CHRM3: variants seen among roughly 807,000 people sequenced by gnomAD.
CHRM3 encodes the protein cholinergic receptor muscarinic 3.
In CHRM3, 11 loss-of-function variants were observed where a neutral mutation model predicts 41.8. That is an observed-to-expected ratio of 0.26 (90% CI 0.17 to 0.44). The LOEUF is 0.44. Among genes scored for constraint, CHRM3 ranks in the 20% least tolerant of loss-of-function variants. CHRM3 has a pLI of 1.00. For synonymous variants in CHRM3, 297 were observed against 301.4 expected (o/e 0.99, Z 0.15); for missense variants, 571 against 745.4 (o/e 0.77, Z 2.72).
At chr1:239,761,179 A>G (rs1466500044) in intron 5 of CHRM3, among the ~76,000 whole-genome samples, 1 of 152,080 alleles carries the variant, frequency 6.6e-6, no homozygotes, top group African/African-American at 2.4e-5. Context: ...TTAATCCAAG[A>G]TAGTGTGTAT....
At chr1:239,819,412 T>C (rs1164173211) in intron 5 of CHRM3, among the ~76,000 whole-genome samples, 2 of 152,210 alleles carry the variant, frequency 1.3e-5, no homozygotes, top group African/African-American at 4.8e-5. Flanking sequence ...TGTTGCTCCT[T>C]CAGAGGAAGA....
chr1:239,634,150 C>T (rs939774105), intron 4 of CHRM3, among the ~76,000 whole-genome samples: 1 of 152,130 alleles, frequency 6.6e-6, no homozygotes, highest in Admixed American at 6.5e-5. Context: ...CGATGCTGGT[C>T]CTGACAGCCT....
At chr1:239,497,444 T>A (rs1667957532) in intron 2 of CHRM3, among the ~76,000 whole-genome samples, 1 of 152,164 alleles carries the variant, frequency 6.6e-6, no homozygotes, top group Non-Finnish European at 1.5e-5. Flanking sequence ...TTCTTTCATG[T>A]TCTCACTCTT....
intron 5 of CHRM3, among the ~76,000 whole-genome samples, chr1:239,678,756 G>A (rs1200157537): frequency 6.6e-6 from 1 of 152,084 alleles, no homozygotes; most frequent in Non-Finnish European, 1.5e-5. Flanking sequence ...CTACATATGT[G>A]AATTAATTAA....
At chr1:239,849,840 T>A (rs1558177711) in intron 6 of CHRM3, among the ~76,000 whole-genome samples, 1 of 152,204 alleles carries the variant, frequency 6.6e-6, no homozygotes, top group Non-Finnish European at 1.5e-5. Context: ...TGTTAACTAT[T>A]TAACTAGTTA....
intron 5 of CHRM3, among the ~76,000 whole-genome samples, chr1:239,691,982 T>C (rs1206226977): frequency 6.6e-6 from 1 of 152,180 alleles, no homozygotes; most frequent in Non-Finnish European, 1.5e-5. Context: ...GATCTCAAAA[T>C]GAATTAGCGA....
intron 2 of CHRM3, among the ~76,000 whole-genome samples, chr1:239,496,843 C>A (rs772956048): frequency 2.6e-5 from 4 of 152,028 alleles, no homozygotes; most frequent in Middle Eastern, 3.2e-3. Context: ...CATTTCCCTA[C>A]CTCAACAATT....
rs376202451 is a variant in CHRM3 at position 239,822,347 on chromosome 1, G to A, written c.-146-4905G>A. The stretch of plus-strand genomic sequence containing the variant: ...GGGTTGTGTTTCTAAAACAAGGATG[G>A]AGAAATAACTTAAAGATAGCTAAAC... On this transcript the variant is annotated intron_variant, in intron 5 of 6. Transcript: ENST00000676153. Among the ~76,000 whole-genome samples, 22 of 152,300 alleles carry A rather than the reference G, an allele frequency of 1.4e-4. No individual in the cohort carries two copies. The East Asian group carries it at 3.7e-3, about 25-fold the overall frequency.
intron 4 of CHRM3, among the ~76,000 whole-genome samples, chr1:239,652,950 T>G (rs1672371549): frequency 6.6e-6 from 1 of 152,144 alleles, no homozygotes; most frequent in Admixed American, 6.5e-5. Context: ...TAACATGAAG[T>G]GTTGATATAT....
chr1:239,868,305 A>G (rs927166378), intron 6 of CHRM3, among the ~76,000 whole-genome samples: 3 of 152,146 alleles, frequency 2.0e-5, no homozygotes, highest in Admixed American at 1.3e-4. Context: ...TCCACTGGGC[A>G]TGTTGATTTT....
At chr1:239,596,742 C>T (rs1214707289) in intron 3 of CHRM3, among the ~76,000 whole-genome samples, 2 of 152,124 alleles carry the variant, frequency 1.3e-5, no homozygotes, top group African/African-American at 2.4e-5. Context: ...TCTGAACAAA[C>T]AGATGTCATC....
chr1:239,602,687 T>A (rs1489308837), intron 3 of CHRM3, among the ~76,000 whole-genome samples: 1 of 152,218 alleles, frequency 6.6e-6, no homozygotes, highest in Non-Finnish European at 1.5e-5. Flanking sequence ...GGAATGTTCA[T>A]CTGGCATTGA....
intron 6 of CHRM3, among the ~76,000 whole-genome samples, chr1:239,891,347 CT>C (rs1159376234): frequency 1.3e-5 from 2 of 152,102 alleles, no homozygotes; most frequent in African/African-American, 2.4e-5. Context: ...AGTATGATTT[CT>C]TTTTTTCCCT....
intron 5 of CHRM3, among the ~76,000 whole-genome samples, chr1:239,820,301 G>A (rs1233164825): frequency 1.3e-5 from 2 of 152,108 alleles, no homozygotes; most frequent in African/African-American, 4.8e-5. Flanking sequence ...GATTCTAGGC[G>A]GTTAGTAAAT....
Position 239,547,793 on chromosome 1 carries a change from A to G in CHRM3, c.-313+2044A>G, listed in dbSNP as rs537888161. Reference sequence around the variant, plus strand: ...CATAAATGTGCTCAATTATTGATTTATTTTGTTAGATTCAGAATTTCAAAA... The same window carrying G: ...CATAAATGTGCTCAATTATTGATTTGTTTTGTTAGATTCAGAATTTCAAAA... On this transcript the variant is annotated intron_variant, in intron 3 of 6. Transcript: ENST00000676153. Among the ~76,000 whole-genome samples the G allele has an allele frequency of 6.4e-4, 98 of 152,334 alleles. 1 individual carries two copies. The highest frequency in any genetic ancestry group is 1.2e-3 in the Admixed American group (18 of 15,296).
chr1:239,645,729 C>G (rs10802785), intron 4 of CHRM3, among the ~76,000 whole-genome samples: 93,233 of 151,954 alleles, frequency 0.61, 28,973 homozygotes, highest in East Asian at 0.83. Context: ...CAAAAATAAA[C>G]TAAATCTAAT....
At chr1:239,522,040 C>T (rs80182406) in intron 2 of CHRM3, among the ~76,000 whole-genome samples, 5,754 of 148,310 alleles carry the variant, frequency 0.039, 171 homozygotes, top group African/African-American at 0.075. Flanking sequence ...CTTTTCTTTT[C>T]TTTTTTGCCA....
At chr1:239,623,498 AT>A (rs532141328) in intron 3 of CHRM3, among the ~76,000 whole-genome samples, 7,213 of 126,678 alleles carry the variant, frequency 0.057, 319 homozygotes, top group East Asian at 0.13. Context: ...TTTTTTTTTA[AT>A]TTTTTTTTTT....
chr1:239,472,605 C>T (rs1043046055), intron 1 of CHRM3, among the ~76,000 whole-genome samples: 1 of 152,082 alleles, frequency 6.6e-6, no homozygotes, highest in Non-Finnish European at 1.5e-5. Flanking sequence ...AGCCATTGTC[C>T]TCAGCAAACT....
Sources: gnomAD v4.1 joint callset for allele counts (sites outside exome capture counted in the v4.1 genomes callset) on GRCh38, gnomAD v4.1.1 for gene constraint, MANE v1.5 for transcripts, NCBI Gene and HGNC (gene_info 2026-07-23, HGNC 2026-07-21) for gene names.